Variants in DDX1 observed in about 807,000 individuals in gnomAD.
The protein encoded by DDX1 is DEAD-box helicase 1.
DDX1 carries 28 observed loss-of-function variants against 108.7 expected under a neutral mutation model. That is an observed-to-expected ratio of 0.26 (90% CI 0.19 to 0.35). The LOEUF (loss-of-function observed/expected upper bound fraction) is 0.35, where lower values mean the gene tolerates loss of function less well. DDX1 is among the 10% of genes least tolerant of loss of function. The pLI is 1.00. For synonymous variants in DDX1, 295 were observed against 288.9 expected (o/e 1.02, Z -0.21); for missense variants, 710 against 884.5 (o/e 0.80, Z 2.50).
At chr2:15,627,511 A>G in intron 20 of DDX1, 1 of 186,250 alleles carries the variant, frequency 5.4e-6, no homozygotes, top group South Asian at 1.0e-4. Flanking sequence ...ATTAATTAAG[A>G]CAGGTATCAG....
At chr2:15,592,463 A>G (rs1185250276) in intron 1 of DDX1, among the ~76,000 whole-genome samples, 1 of 152,086 alleles carries the variant, frequency 6.6e-6, no homozygotes, top group African/African-American at 2.4e-5. Flanking sequence ...CCTGATCTTT[A>G]TTTGTTCTTA....
intron 6 of DDX1, among the ~76,000 whole-genome samples, chr2:15,602,013 C>T (rs1256638728): frequency 6.6e-6 from 1 of 152,118 alleles, no homozygotes; most frequent in South Asian, 2.1e-4. Context: ...CATGCTTTCT[C>T]CTAGTTTCCC....
chr2:15,622,685 C>T (rs1332552527), intron 18 of DDX1, among the ~76,000 whole-genome samples: 1 of 152,210 alleles, frequency 6.6e-6, no homozygotes, highest in African/African-American at 2.4e-5. Context: ...TGGAGAAGAG[C>T]AGAGACACTG....
At chr2:15,628,763 A>G (rs950322702) in intron 22 of DDX1, 34 bp from the exon 23 acceptor site, 1 of 1,613,546 alleles carries the variant, frequency 6.2e-7, no homozygotes, top group Non-Finnish European at 8.5e-7. Context: ...CTTTAGGAAT[A>G]AAGTCTAATA....
rs747693073 is a variant in DDX1 at position 15,630,765 on chromosome 2, G to A, written c.2093-11G>A. 1.2e-5 allele frequency: 20 copies of A among 1,608,686 alleles called. No individual in the cohort carries two copies. The highest frequency in any genetic ancestry group is 1.7e-5 in the Non-Finnish European group (20 of 1,176,098). ...TCATTTACATTACTTTGTTATTTGTGTGTGATGCAGGTGGAAGCTATAAAG... is the reference window on the plus strand; with the variant it reads ...TCATTTACATTACTTTGTTATTTGTATGTGATGCAGGTGGAAGCTATAAAG... On this transcript the variant is annotated splice_polypyrimidine_tract_variant and intron_variant, in intron 25 of 25. Transcript: ENST00000233084.
chr2:15,595,358 C>A, intron 2 of DDX1, 132 bp from the exon 3 acceptor site: 1 of 907,486 alleles, frequency 1.1e-6, no homozygotes, highest in Non-Finnish European at 1.7e-6. Flanking sequence ...TTAACCTTGA[C>A]ATATTTCTAG....
chr2:15,616,044 C>A (rs183288901), intron 14 of DDX1, among the ~76,000 whole-genome samples: 1 of 144,940 alleles, frequency 6.9e-6, no homozygotes, highest in Non-Finnish European at 1.5e-5. Context: ...ATGTGCACGC[C>A]GCCATGCCCG....
rs1558452646 is a variant in DDX1, at chr2:15,603,805, TAA to T, written c.476-7_476-6del. On this transcript the variant is annotated splice_polypyrimidine_tract_variant and splice_region_variant and intron_variant, in intron 8 of 25. Transcript: ENST00000233084. ...CTTACCAGAAAAGTAAAATATTTTT[TAA>T]ATCTAGGTACTGACAAGTTTGGATT... The T allele has an allele frequency of 1.9e-6, 3 of 1,575,056 alleles. No homozygotes were observed. Among genetic ancestry groups the T allele is most frequent in the Non-Finnish European group, 2.6e-6 (3 of 1,157,652 alleles).
intron 14 of DDX1, among the ~76,000 whole-genome samples, chr2:15,616,626 C>T (rs7570507): frequency 0.016 from 2,388 of 152,274 alleles, 60 homozygotes; most frequent in African/African-American, 0.05. Flanking sequence ...TTAGTGGTAA[C>T]ATGAAATAAA....
chr2:15,603,712 T>C, intron 8 of DDX1, 102 bp from the exon 9 acceptor site: 1 of 767,800 alleles, frequency 1.3e-6, no homozygotes, highest in South Asian at 1.9e-5. Context: ...TTCCTGTGGG[T>C]TTATGAAATG....
chr2:15,615,573 A>G (rs1355691294), intron 14 of DDX1, among the ~76,000 whole-genome samples: 1 of 152,216 alleles, frequency 6.6e-6, no homozygotes, highest in Non-Finnish European at 1.5e-5. Flanking sequence ...AGTGCAGATG[A>G]AACAATAGCT....
rs554628381 is a variant in DDX1, at chr2:15,623,876, G to T, written c.1594+294G>T. On this transcript the variant is annotated intron_variant, in intron 19 of 25. Coordinates refer to ENST00000233084, the MANE Select transcript of DDX1 (RefSeq NM_004939.3). ...TTATTAGTCTTAAAATTTAAAATAT[G>T]ATCACTGAAATAATAGAATGTATGT... 7.7e-4 allele frequency among the ~76,000 whole-genome samples: 117 copies of T among 152,112 alleles called. 2 individuals carry two copies. The highest frequency in any genetic ancestry group is 1.0e-3 in the Admixed American group (16 of 15,278).
At chr2:15,611,414 G>T (rs980514576) in intron 13 of DDX1, among the ~76,000 whole-genome samples, 1 of 150,256 alleles carries the variant, frequency 6.7e-6, no homozygotes, top group Admixed American at 6.6e-5. Flanking sequence ...CCTCCCAGAC[G>T]GGGTGGTGGC....
chr2:15,611,572 C>T (rs1303188242), intron 13 of DDX1, among the ~76,000 whole-genome samples: 7 of 131,104 alleles, frequency 5.3e-5, no homozygotes, highest in Non-Finnish European at 8.0e-5. Flanking sequence ...GCTGACCCCC[C>T]GACCTCCCTC....
At chr2:15,605,225 A>G (rs1665644188) in intron 10 of DDX1, among the ~76,000 whole-genome samples, 1 of 151,774 alleles carries the variant, frequency 6.6e-6, no homozygotes, top group South Asian at 2.1e-4. Flanking sequence ...GTGGGGTGAG[A>G]TTGCCTAGGG....
At chr2:15,615,294 C>T (rs566543289) in intron 14 of DDX1, among the ~76,000 whole-genome samples, 2 of 152,274 alleles carry the variant, frequency 1.3e-5, no homozygotes, top group South Asian at 4.2e-4. Context: ...CTTTTCTGAT[C>T]TAACTGACTT....
At chr2:15,595,580 G>T in intron 3 of DDX1, 27 bp downstream of exon 3, 1 of 1,484,760 alleles carries the variant, frequency 6.7e-7, no homozygotes, top group Non-Finnish European at 9.4e-7. Flanking sequence ...TGAGGTGATT[G>T]GTAGCTGGGG....
intron 6 of DDX1, among the ~76,000 whole-genome samples, chr2:15,600,563 C>T (rs1353546125): frequency 6.6e-6 from 1 of 152,038 alleles, no homozygotes; most frequent in Non-Finnish European, 1.5e-5. Context: ...TTTTTGTTGG[C>T]CCTGCATAAT....
chr2:15,602,614 C>T lies in DDX1; in HGVS notation c.374C>T (p.Thr125Ile), dbSNP rs373201659. ...EVKEWHGCRA[T>I]KGLMKGKHYY... Reference sequence around the variant, plus strand: ...AAGGAATGGCATGGGTGTAGAGCTACTAAAGGATTAATGAAAGGTATTTGA... The same window carrying T: ...AAGGAATGGCATGGGTGTAGAGCTATTAAAGGATTAATGAAAGGTATTTGA... The change falls in exon 7 of 26, where the codon ACT becomes ATT. Residue 125 changes from threonine (T) to isoleucine (I), a missense_variant. Around this residue, in one of 3 missense-constraint regions of DDX1, gnomAD observed 661 missense variants for 810.2 expected, o/e 0.82. Coordinates refer to ENST00000233084, the MANE Select transcript of DDX1 (RefSeq NM_004939.3). 1.9e-6 allele frequency: 3 copies of T among 1,611,388 alleles called. No individual in the cohort carries two copies. Among genetic ancestry groups the T allele is most frequent in the Non-Finnish European group, 2.5e-6 (3 of 1,177,928 alleles).
Sources: gnomAD v4.1 joint callset for allele counts (sites outside exome capture counted in the v4.1 genomes callset) on GRCh38, gnomAD v4.1.1 for gene constraint, gnomAD v4.1.1 regional missense constraint, MANE v1.5 for transcripts, NCBI Gene and HGNC (gene_info 2026-07-23, HGNC 2026-07-21) for gene names.